The following PCDH11Y variants were observed in gnomAD, a reference collection of about 807,000 sequenced individuals.
The protein encoded by PCDH11Y is protocadherin 11 Y-linked.
For missense variants in PCDH11Y, 12 were observed against 224.8 expected, an observed-to-expected ratio of 0.05 and a Z score of 6.05; for synonymous variants, 9 against 83.6, an observed-to-expected ratio of 0.11 and a Z score of 4.87.
intron 2 of PCDH11Y, among the ~76,000 whole-genome samples, chrY:5,146,366 A>G: frequency 3.0e-5 from 1 of 32,790 alleles, no homozygotes; most frequent in East Asian, 8.6e-4. Flanking sequence ...GCAGCATATA[A>G]CCAACCCTTG....
At chrY:5,003,928 G>A (rs2052536162) in intron 1 of PCDH11Y, among the ~76,000 whole-genome samples, 1 of 33,130 alleles carries the variant, frequency 3.0e-5, no homozygotes, top group African/African-American at 1.2e-4. Context: ...CCTTCCAAAG[G>A]AAAAAATCTT....
Position 5,249,202 on chromosome Y carries a change from C to T in PCDH11Y, c.3129+148495C>T. Among the ~76,000 whole-genome samples, 3 of 32,046 alleles carry T rather than the reference C, an allele frequency of 9.4e-5. No individual in the cohort carries two copies. In the East Asian group the frequency reaches 2.5e-3, roughly 27 times the overall value. 86.0% of individuals were successfully genotyped at this position (32,046 alleles called of 37,273 possible). On this transcript the variant is annotated intron_variant, in intron 2 of 4. Coordinates refer to the PCDH11Y transcript ENST00000400457. ...TTCCCATTAAACTACCATTGACATT[C>T]TTTACAAAATTAGCAAAAACTACTT... is the stretch of plus-strand genomic sequence containing the variant.
chrY:5,107,931 C>A (rs1480367396), downstream of PCDH11Y, among the ~76,000 whole-genome samples: 1 of 30,958 alleles, frequency 3.2e-5, no homozygotes, highest in Non-Finnish European at 7.8e-5. Flanking sequence ...TGGTGGCGGG[C>A]GCCTGTAGTC....
At chrY:5,360,898 T>C in intron 2 of PCDH11Y, among the ~76,000 whole-genome samples, 2 of 32,012 alleles carry the variant, frequency 6.2e-5, no homozygotes, top group Admixed American at 3.0e-4. Context: ...TACCAGAATC[T>C]CTGGAGCCCG....
rs1327620260 is a variant in PCDH11Y at position 5,127,578 on chromosome Y, C to T, written c.3129+26871C>T. Among the ~76,000 whole-genome samples the T allele has an allele frequency of 3.0e-4, 10 of 33,032 alleles. No homozygotes were observed. The East Asian group carries it at 6.3e-3, about 21-fold the overall frequency. 88.6% of individuals were successfully genotyped at this position (33,032 alleles called of 37,273 possible). ...ATCTCATCAGTTATCAATACTCTAA[C>T]GGATAATCTATCATTATTAAATGCT... On this transcript the variant is annotated intron_variant, in intron 2 of 4. Transcript: ENST00000400457.
At chrY:5,069,980 A>G in intron 1 of PCDH11Y, among the ~76,000 whole-genome samples, 2 of 33,108 alleles carry the variant, frequency 6.0e-5, no homozygotes, top group African/African-American at 1.2e-4. Context: ...GATAATCGAT[A>G]CCATTGATTT....
At chrY:5,136,456 G>T (rs2052840965) in intron 2 of PCDH11Y, among the ~76,000 whole-genome samples, 18 of 32,703 alleles carry the variant, frequency 5.5e-4, no homozygotes, top group Admixed American at 8.4e-4. Context: ...AGATCCCCAC[G>T]AATGGATCCA....
chrY:5,729,320 T>G (rs2053601362), intron 4 of PCDH11Y, among the ~76,000 whole-genome samples: 1 of 32,728 alleles, frequency 3.1e-5, no homozygotes, highest in Non-Finnish European at 7.6e-5. Flanking sequence ...CTATTCTGAC[T>G]GGTGTGAGAT....
intron 1 of PCDH11Y, among the ~76,000 whole-genome samples, chrY:5,082,823 C>A: frequency 3.2e-5 from 1 of 31,346 alleles, no homozygotes; most frequent in Non-Finnish European, 7.7e-5. Context: ...TGTAGGGAGG[C>A]CTTGCCCAGT....
downstream of PCDH11Y, among the ~76,000 whole-genome samples, chrY:5,106,622 TATC>T (rs2052792266): frequency 3.6e-5 from 1 of 27,986 alleles, no homozygotes; most frequent in East Asian, 9.5e-4. Context: ...TTATGGTAGA[TATC>T]ATGTGAGTTA....
chrY:5,227,111 T>C (rs2052961695), intron 2 of PCDH11Y, among the ~76,000 whole-genome samples: 1 of 32,813 alleles, frequency 3.0e-5, no homozygotes, highest in Non-Finnish European at 7.5e-5. Context: ...CATTCTTCAA[T>C]TTATTTCATC....
At chrY:5,307,504 A>C (rs2053091970) in intron 2 of PCDH11Y, among the ~76,000 whole-genome samples, 4 of 33,247 alleles carry the variant, frequency 1.2e-4, no homozygotes, top group South Asian at 6.6e-4. Context: ...TAGAAGATGC[A>C]GTAGAATTTT....
intron 1 of PCDH11Y, among the ~76,000 whole-genome samples, chrY:5,060,931 C>T (rs2124628931): frequency 3.3e-5 from 1 of 29,867 alleles, no homozygotes; most frequent in African/African-American, 1.3e-4. Flanking sequence ...CACTTGAATT[C>T]GGGAGACAGA....
intron 2 of PCDH11Y, among the ~76,000 whole-genome samples, chrY:5,393,924 G>A: frequency 5.2e-4 from 16 of 30,611 alleles, no homozygotes; most frequent in African/African-American, 2.0e-3. Flanking sequence ...AGAAAAACTA[G>A]GCTCAAAGAG....
intron 4 of PCDH11Y, among the ~76,000 whole-genome samples, chrY:5,620,580 A>G (rs2053498370): frequency 3.1e-5 from 1 of 32,428 alleles, no homozygotes; most frequent in African/African-American, 1.2e-4. Context: ...TGATACCAAA[A>G]CCTGGCAGAG....
chrY:5,662,498 G>A, intron 4 of PCDH11Y, among the ~76,000 whole-genome samples: 2 of 24,500 alleles, frequency 8.2e-5, no homozygotes, highest in South Asian at 1.0e-3. Flanking sequence ...TTCTCCAATC[G>A]TGATTGAAAG....
intron 2 of PCDH11Y, among the ~76,000 whole-genome samples, chrY:5,172,079 A>G: frequency 3.0e-5 from 1 of 33,373 alleles, no homozygotes; most frequent in African/African-American, 1.2e-4. Context: ...ATATTAGTTG[A>G]ATATGTTATA....
Position 5,666,198 on chromosome Y carries a change from T to C in PCDH11Y, c.3353-71074T>C. ...TGCAACGCGCCTTAGCACAGTATCT[T>C]ATTGACCTCCTTGGAGCACTAAGAT... On this transcript the variant is annotated intron_variant, in intron 4 of 4. Transcript: ENST00000400457. Among the ~76,000 whole-genome samples the C allele has an allele frequency of 9.1e-5, 3 of 33,113 alleles. No homozygotes were observed. The South Asian group carries it at 2.0e-3, about 23-fold the overall frequency. The allele number at this position is 33,113 out of a possible 37,273, so 88.8% of individuals were successfully genotyped here.
chrY:5,438,360 G>A, intron 2 of PCDH11Y, among the ~76,000 whole-genome samples: 3 of 32,307 alleles, frequency 9.3e-5, no homozygotes. Context: ...CTACCCTGTT[G>A]GCTAGATTGC....
Sources: gnomAD v4.1 joint callset for allele counts (sites outside exome capture counted in the v4.1 genomes callset) on GRCh38, gnomAD v4.1.1 for gene constraint, MANE v1.5 for transcripts, NCBI Gene and HGNC (gene_info 2026-07-23, HGNC 2026-07-21) for gene names.